HHIP: variants seen among roughly 807,000 people sequenced by gnomAD.
HHIP encodes the protein hedgehog-interacting protein.
HHIP carries 12 observed loss-of-function variants against 74.0 expected under a neutral mutation model. The observed-to-expected ratio is 0.16, with a 90% confidence interval of 0.10 to 0.26. The LOEUF (loss-of-function observed/expected upper bound fraction) is 0.26, where lower values mean the gene tolerates loss of function less well. Among genes scored for constraint, HHIP ranks in the 10% least tolerant of loss-of-function variants. HHIP has a pLI of 1.00. For synonymous variants in HHIP, 309 were observed against 311.6 expected (o/e 0.99, Z 0.09); for missense variants, 788 against 845.0 (o/e 0.93, Z 0.84).
At chr4:144,730,207 C>T (rs1730916085) in intron 11 of HHIP, among the ~76,000 whole-genome samples, 1 of 150,664 alleles carries the variant, frequency 6.6e-6, no homozygotes, top group Non-Finnish European at 1.5e-5. Flanking sequence ...CTTTATACTA[C>T]TACACAAAGC....
chr4:144,715,771 T>C (rs959858796), intron 10 of HHIP: 1 of 160,112 alleles, frequency 6.2e-6, no homozygotes, highest in African/African-American at 2.4e-5. Flanking sequence ...GTGTATATTC[T>C]CTATCTAAAA....
rs193045137 is a variant in HHIP at position 144,728,879 on chromosome 4, T to C, written c.1761-5862T>C. On this transcript the variant is annotated intron_variant, in intron 11 of 12. Transcript: ENST00000296575. ...GGCGAAATTTAGTTTGTATAATGCATTGTTGTTTTTAAAGCTGCCTACAAA... is the reference window on the plus strand; with the variant it reads ...GGCGAAATTTAGTTTGTATAATGCACTGTTGTTTTTAAAGCTGCCTACAAA... Among the ~76,000 whole-genome samples, 8 of 152,290 alleles carry C rather than the reference T, an allele frequency of 5.3e-5. No individual in the cohort carries two copies. In the South Asian group the frequency reaches 6.2e-4, roughly 12 times the overall value.
intron 4 of HHIP, among the ~76,000 whole-genome samples, chr4:144,661,085 T>C (rs190529939): frequency 6.6e-6 from 1 of 152,284 alleles, no homozygotes; most frequent in East Asian, 1.9e-4. Context: ...CTGGAAAATT[T>C]TTTATAACAA....
At chr4:144,666,252 TGTGTGTG>T (rs1728858938) in intron 4 of HHIP, among the ~76,000 whole-genome samples, 1 of 478 alleles carries the variant, frequency 2.1e-3, no homozygotes, top group Non-Finnish European at 0.022. Context: ...TACAGTCGTG[TGTGTGTG>T]TGTGTGTGTG....
chr4:144,715,530 T>G (rs1730425105), intron 10 of HHIP, 100 bp downstream of exon 10: 6 of 1,151,636 alleles, frequency 5.2e-6, no homozygotes, highest in Middle Eastern at 2.4e-4. Flanking sequence ...TATCCTCTAC[T>G]TGTTGGAAAT....
chr4:144,740,904 T>C lies in HHIP; in HGVS notation c.*2947T>C, dbSNP rs976666607. On this transcript the variant is annotated 3_prime_UTR_variant, in exon 13 of 13. Transcript: ENST00000296575. ...GTTGTCAGTTGAATGTGAAATGATG[T>C]TATAGTTGTTTTAAATGGTTGGAAA... 1 of 152,228 alleles carries C rather than the reference T, an allele frequency of 6.6e-6. No homozygotes were observed. Among genetic ancestry groups the C allele is most frequent in the African/African-American group, 2.4e-5 (1 of 41,466 alleles). 9.4% of individuals were successfully genotyped at this position (152,228 alleles called of 1,614,324 possible). A position where few individuals can be genotyped will look rare whatever the true frequency, so the allele number is the denominator to read the frequency against.
chr4:144,681,550 G>A (rs1375577227), intron 4 of HHIP, among the ~76,000 whole-genome samples: 4 of 150,470 alleles, frequency 2.7e-5, no homozygotes, highest in Admixed American at 6.6e-5. Context: ...TCAGCCTCCC[G>A]AGTAACTGGG....
intron 10 of HHIP, 140 bp from the exon 11 acceptor site, chr4:144,718,735 G>T (rs1299406222): frequency 3.0e-6 from 2 of 668,406 alleles, no homozygotes; most frequent in Non-Finnish European, 5.4e-6. Context: ...AGACATGTGA[G>T]ACTCTTGCAT....
chr4:144,736,769 G>A (rs1001688759), intron 12 of HHIP, among the ~76,000 whole-genome samples: 1 of 151,954 alleles, frequency 6.6e-6, no homozygotes, highest in Non-Finnish European at 1.5e-5. Flanking sequence ...TGTTTATGTG[G>A]GATGTTTTGG....
At position 144,715,337 on chromosome 4, in the gene HHIP, C is replaced by A. The variant is rs1444317154; in HGVS notation, c.1585C>A (p.Gln529Lys). 1.2e-6 allele frequency: 2 copies of A among 1,613,216 alleles called. No individual in the cohort carries two copies. Among genetic ancestry groups the A allele is most frequent in the Admixed American group, 1.7e-5 (1 of 59,988 alleles). ...LTLQQSPVTK[Q>K]WQEKPLCLGT... ...TCTCCAGCAAAGTCCTGTGACAAAG[C>A]AGTGGCAAGAAAAACCACTCTGTCT... Residue 529 changes from glutamine to lysine, a missense_variant, in exon 10 of 13, where the codon CAG becomes AAG. By Grantham distance (53) the Gln-to-Lys change is moderately conservative. Transcript: ENST00000296575.
chr4:144,677,636 T>C (rs370334857), intron 4 of HHIP, among the ~76,000 whole-genome samples: 3 of 152,270 alleles, frequency 2.0e-5, no homozygotes, highest in East Asian at 3.9e-4. Flanking sequence ...GAGTGGACCC[T>C]GGGCAGCAAT....
chr4:144,709,199 T>A (rs929655152), intron 7 of HHIP, among the ~76,000 whole-genome samples: 2 of 152,220 alleles, frequency 1.3e-5, no homozygotes, highest in African/African-American at 4.8e-5. Context: ...TAATCCCTCA[T>A]GCCCTTCATC....
rs1425144219 is a variant in HHIP, at chr4:144,743,835, C to G, written c.*5878C>G. 2 of 152,020 alleles carry G rather than the reference C, an allele frequency of 1.3e-5. No homozygotes were observed. The highest frequency in any genetic ancestry group is 2.9e-5 in the Non-Finnish European group (2 of 67,934). The allele number at this position is 152,020 out of a possible 1,614,324, so 9.4% of individuals were successfully genotyped here. A position where few individuals can be genotyped will look rare whatever the true frequency, so the allele number is the denominator to read the frequency against. ...ACTAATTCTTGTACATTTTCCTTTT[C>G]ACTAAAAAAATAACTAATTGATAGT... is the stretch of plus-strand genomic sequence containing the variant. On this transcript the variant is annotated 3_prime_UTR_variant, in exon 13 of 13. Coordinates refer to ENST00000296575, the MANE Select transcript of HHIP (RefSeq NM_022475.3).
intron 4 of HHIP, among the ~76,000 whole-genome samples, chr4:144,674,332 T>C (rs1361176891): frequency 1.3e-5 from 2 of 152,212 alleles, no homozygotes; most frequent in African/African-American, 4.8e-5. Flanking sequence ...CATCTCTGCT[T>C]AATGTTAAAC....
At chr4:144,705,692 T>C (rs1325671397) in intron 4 of HHIP, among the ~76,000 whole-genome samples, 2 of 152,240 alleles carry the variant, frequency 1.3e-5, no homozygotes, top group Non-Finnish European at 2.9e-5. Context: ...ATAAAATGCC[T>C]TTCTATTTAA....
In HHIP at chr4:144,659,713, G is replaced by A. The variant is rs1053660786; in HGVS notation, c.706G>A (p.Gly236Arg). 6.2e-7 allele frequency: 1 copy of A among 1,609,182 alleles called. No homozygotes were observed. The highest frequency in any genetic ancestry group is 8.5e-7 in the Non-Finnish European group (1 of 1,178,222). ...LRQPVGALHS[G>R]DGSQRLFILE... is the part of the protein sequence containing the mutation. ...GCAGCCCGTTGGTGCCCTGCATAGT[G>A]GGGATGGCTCGCAACGTCTCTTCAT... The change falls in exon 4 of 13, where the codon GGG becomes AGG. Residue 236 changes from glycine (G) to arginine (R), a missense_variant. By Grantham distance (125) the Gly-to-Arg change is moderately radical. Transcript: ENST00000296575.
chr4:144,670,293 T>A (rs1728996962), intron 4 of HHIP, among the ~76,000 whole-genome samples: 1 of 151,380 alleles, frequency 6.6e-6, no homozygotes, highest in Non-Finnish European at 1.5e-5. Flanking sequence ...AAACCCCGTC[T>A]CTAATAAAAA....
At position 144,741,420 on chromosome 4, in the gene HHIP, T is replaced by C. The variant is rs754092969; in HGVS notation, c.*3463T>C. The stretch of plus-strand genomic sequence containing the variant: ...TTTTTTGAGACGGAGCCTTGCTATG[T>C]TGCCCAGGCTGCAGAGCAGCACAAT... On this transcript the variant is annotated 3_prime_UTR_variant, in exon 13 of 13. Coordinates refer to ENST00000296575, the MANE Select transcript of HHIP (RefSeq NM_022475.3). 1 of 149,326 alleles carries C rather than the reference T, an allele frequency of 6.7e-6. No individual in the cohort carries two copies. Among genetic ancestry groups the C allele is most frequent in the African/African-American group, 2.5e-5 (1 of 40,474 alleles). The allele number at this position is 149,326 out of a possible 1,614,324, so 9.3% of individuals were successfully genotyped here.
intron 4 of HHIP, among the ~76,000 whole-genome samples, chr4:144,704,927 C>T (rs974986441): frequency 2.6e-5 from 4 of 152,048 alleles, no homozygotes; most frequent in African/African-American, 7.3e-5. Flanking sequence ...ACAGCACCAT[C>T]GAGTCAATAT....
Sources: gnomAD v4.1 joint callset for allele counts (sites outside exome capture counted in the v4.1 genomes callset) on GRCh38, gnomAD v4.1.1 for gene constraint, MANE v1.5 for transcripts, NCBI Gene and HGNC (gene_info 2026-07-23, HGNC 2026-07-21) for gene names.